Variants in RRP7A observed in about 807,000 individuals in gnomAD.
RRP7A encodes the protein ribosomal RNA processing 7 homolog A.
In RRP7A, 27 loss-of-function variants were observed where a neutral mutation model predicts 38.4. The ratio of observed to expected loss-of-function variants is 0.70; its 90% CI spans 0.52 to 0.97. The LOEUF (loss-of-function observed/expected upper bound fraction) is 0.97, where lower values mean the gene tolerates loss of function less well. RRP7A is among the 50% of genes least tolerant of loss of function. The probability of loss-of-function intolerance (pLI) is 0.00; values close to 1 mark genes in which losing one functional copy is unlikely to be tolerated. For synonymous variants in RRP7A, 124 were observed against 150.3 expected (o/e 0.83, Z 1.28); for missense variants, 327 against 375.4 (o/e 0.87, Z 1.07).
chr22:42,517,773 G>T (rs533162932), intron 2 of RRP7A, among the ~76,000 whole-genome samples: 13 of 152,334 alleles, frequency 8.5e-5, no homozygotes, highest in East Asian at 1.9e-4. Flanking sequence ...GCCCGCCTCA[G>T]CCTCCCAAAG....
rs1920925710 is a variant in RRP7A at position 42,514,703 on chromosome 22, T to C, written c.537A>G (p.Ala179=). ...CTACCTCAGCGATCTTCTGGTCATA[T>C]GCCTCCATGAACGTGTCCACTTCCA... ...LRVEVDTFME[A]YDQKIAEEEA... The change falls in exon 5 of 7, where the codon GCA becomes GCG. Residue 179 remains alanine, a synonymous_variant. Transcript: ENST00000323013. The C allele has an allele frequency of 6.2e-7, 1 of 1,609,774 alleles. No individual in the cohort carries two copies. The highest frequency in any genetic ancestry group is 8.5e-7 in the Non-Finnish European group (1 of 1,176,994).
At position 42,511,782 on chromosome 22, in the gene RRP7A, C is replaced by T. The variant is rs1601803963; in HGVS notation, c.*1128G>A. On this transcript the variant is annotated 3_prime_UTR_variant, in exon 7 of 7. Coordinates refer to ENST00000323013, the MANE Select transcript of RRP7A (RefSeq NM_015703.5). ...TTGAAGGCAGACACAAGTCTGCAGGCTGCTCACGTCATCTCATTATCTTTT... is the reference window on the plus strand; with the variant it reads ...TTGAAGGCAGACACAAGTCTGCAGGTTGCTCACGTCATCTCATTATCTTTT... 1 of 240,894 alleles carries T rather than the reference C, an allele frequency of 4.2e-6. No homozygotes were observed. Among genetic ancestry groups the T allele is most frequent in the East Asian group, 1.0e-4 (1 of 9,850 alleles). 14.9% of individuals were successfully genotyped at this position (240,894 alleles called of 1,614,324 possible). A position where few individuals can be genotyped will look rare whatever the true frequency, so the allele number is the denominator to read the frequency against.
At position 42,510,764 on chromosome 22, in the gene RRP7A, G is replaced by A. The variant is rs371548479; in HGVS notation, c.*2146C>T. ...AGGCAGCTGGTGTCCAGCCACTGTC[G>A]CCCACTCTGGTCCCACCTCACCCAT... is the stretch of plus-strand genomic sequence containing the variant. On this transcript the variant is annotated 3_prime_UTR_variant, in exon 7 of 7. Transcript: ENST00000323013. 5.4e-5 allele frequency: 79 copies of A among 1,461,054 alleles called. No individual in the cohort carries two copies. The African/African-American group carries it at 8.7e-4, about 16-fold the overall frequency. 90.5% of individuals were successfully genotyped at this position (1,461,054 alleles called of 1,614,324 possible).
rs527952214 is a variant in RRP7A, at chr22:42,508,815, G to A, written c.*4095C>T. On this transcript the variant is annotated 3_prime_UTR_variant, in exon 7 of 7. Coordinates refer to ENST00000323013, the MANE Select transcript of RRP7A (RefSeq NM_015703.5). ...CTGGGTAGCCACGAGCCCAGGAAGA[G>A]GGGAGAACAGACTTGGAGAGGGCAG... 9.9e-4 allele frequency among the ~76,000 whole-genome samples: 151 copies of A among 152,256 alleles called. No homozygotes were observed. The highest frequency in any genetic ancestry group is 1.7e-3 in the East Asian group (9 of 5,182).
Position 42,509,207 on chromosome 22 carries a change from G to A in RRP7A, c.*3703C>T. On this transcript the variant is annotated 3_prime_UTR_variant, in exon 7 of 7. Transcript: ENST00000323013. The stretch of plus-strand genomic sequence containing the variant: ...CCTGGCATGAGGCTCCAAGTTCTCT[G>A]CGTGTCGACCACATCGCTAAGACTC... The A allele has an allele frequency of 1.3e-6, 2 of 1,574,832 alleles. No homozygotes were observed.
intron 2 of RRP7A, among the ~76,000 whole-genome samples, chr22:42,517,471 G>C (rs1471301923): frequency 1.3e-5 from 2 of 151,660 alleles, no homozygotes; most frequent in Non-Finnish European, 2.9e-5. Flanking sequence ...ACGTAATTCA[G>C]ACAACTTTGG....
rs563879101 is a variant in RRP7A, at chr22:42,515,946, C to T, written c.342+65G>A. On this transcript the variant is annotated intron_variant, in intron 3 of 6. Coordinates refer to ENST00000323013, the MANE Select transcript of RRP7A (RefSeq NM_015703.5). ...CTCTGATGTCCCACTGCCAGCTCCC[C>T]CAACACACTGGGGACAGTGCCCCAC... 12 of 1,523,988 alleles carry T rather than the reference C, an allele frequency of 7.9e-6. No homozygotes were observed. The African/African-American group carries it at 1.7e-4, about 21-fold the overall frequency. 94.4% of individuals were successfully genotyped at this position (1,523,988 alleles called of 1,614,324 possible).
Position 42,512,249 on chromosome 22 carries a change from G to A in RRP7A, c.*661C>T. ...CAGCCCAGCTGTAGCTCTGGGCCTG[G>A]AACTATGAAGACCTAGTGCTCCCAG... On this transcript the variant is annotated 3_prime_UTR_variant, in exon 7 of 7. Coordinates refer to ENST00000323013, the MANE Select transcript of RRP7A (RefSeq NM_015703.5). 3 of 1,610,966 alleles carry A rather than the reference G, an allele frequency of 1.9e-6. No homozygotes were observed. The South Asian group carries it at 3.3e-5, about 18-fold the overall frequency.
At chr22:42,518,181 G>A (rs370224724) in intron 1 of RRP7A, 34 bp from the exon 2 acceptor site, 43 of 1,572,150 alleles carry the variant, frequency 2.7e-5, no homozygotes, top group Admixed American at 8.4e-5. Flanking sequence ...GGATGGCCAG[G>A]CTACCCTGAG....
At position 42,518,137 on chromosome 22, in the gene RRP7A, G is replaced by C. The variant is rs1920936201; in HGVS notation, c.84C>G (p.Ile28Met). 8.7e-6 allele frequency: 14 copies of C among 1,612,534 alleles called. No individual in the cohort carries two copies. The East Asian group carries it at 2.9e-4, about 33-fold the overall frequency. Residue 28 changes from isoleucine to methionine, a missense_variant, in exon 2 of 7, where the codon ATC becomes ATG. Ile to Met is a conservative substitution (Grantham distance 10). Transcript: ENST00000323013. The part of the protein sequence containing the change: ...PSPLGYAAIP[I>M]KFSEKQQASH... ...AAGCCTGTTGCTTTTCAGAGAACTT[G>C]ATTGGAATAGCTGGAAAGGAAATGG...
At chr22:42,515,924 T>C in intron 3 of RRP7A, 87 bp downstream of exon 3, 2 of 1,467,904 alleles carry the variant, frequency 1.4e-6, no homozygotes, top group South Asian at 2.7e-5. Flanking sequence ...GAGAATGCTC[T>C]GATGTCCCAC....
intron 6 of RRP7A, among the ~76,000 whole-genome samples, 185 bp downstream of exon 6, chr22:42,513,921 C>T (rs773485470): frequency 7.2e-5 from 11 of 151,852 alleles, no homozygotes; most frequent in Non-Finnish European, 1.5e-4. Context: ...GATGGGGAAC[C>T]GCCACACAGG....
chr22:42,518,932 G>C (rs1218306997), intron 1 of RRP7A, among the ~76,000 whole-genome samples: 1 of 149,668 alleles, frequency 6.7e-6, no homozygotes, highest in African/African-American at 2.5e-5. Flanking sequence ...AATTGTGAAA[G>C]AAACATTACA....
At chr22:42,513,818 G>A (rs1268664355) in intron 6 of RRP7A, among the ~76,000 whole-genome samples, 3 of 152,146 alleles carry the variant, frequency 2.0e-5, no homozygotes, top group Admixed American at 6.5e-5. Context: ...GGAGGCTGAC[G>A]AGCGCCAGCA....
intron 2 of RRP7A, 47 bp from the exon 3 acceptor site, chr22:42,516,183 C>T: frequency 1.2e-6 from 2 of 1,606,082 alleles, no homozygotes; most frequent in Non-Finnish European, 1.7e-6. Context: ...GCAGGGCCAT[C>T]CCAAAGCCTC....
In RRP7A at chr22:42,512,200, T is replaced by C. The variant is rs1239722940; in HGVS notation, c.*710A>G. ...CACGTGGCCAGTATCATCAGCTCCTTCTTACAGTGCACACACACGCTCCCA... is the reference window on the plus strand; with the variant it reads ...CACGTGGCCAGTATCATCAGCTCCTCCTTACAGTGCACACACACGCTCCCA... On this transcript the variant is annotated 3_prime_UTR_variant, in exon 7 of 7. Transcript: ENST00000323013. 3.7e-6 allele frequency: 6 copies of C among 1,612,392 alleles called. No individual in the cohort carries two copies. The highest frequency in any genetic ancestry group is 1.3e-5 in the African/African-American group (1 of 74,822).
chr22:42,510,677 G>A lies in RRP7A; in HGVS notation c.*2233C>T. 1 of 1,428,540 alleles carries A rather than the reference G, an allele frequency of 7.0e-7. No individual in the cohort carries two copies. The highest frequency in any genetic ancestry group is 1.2e-5 in the South Asian group (1 of 83,596). 88.5% of individuals were successfully genotyped at this position (1,428,540 alleles called of 1,614,324 possible). ...TCCAAGAGAGAATTACTCTGACAAG[G>A]AGTCCCTGTCGTTCATGATAGACAC... On this transcript the variant is annotated 3_prime_UTR_variant, in exon 7 of 7. Transcript: ENST00000323013.
rs770585821 is a variant in RRP7A, at chr22:42,516,011, C to T, written c.342G>A (p.Pro114=). The change falls in exon 3 of 7, where the codon CCG becomes CCA. Residue 114 remains proline, a splice_region_variant and synonymous_variant. Coordinates refer to ENST00000323013, the MANE Select transcript of RRP7A (RefSeq NM_015703.5). The part of the protein sequence containing the change: ...RSKFFHPKPV[P]GFQVAYVVFQ... Reference sequence around the variant, plus strand: ...TGGAACCCCGGGCTTGGCGGCTCACCGGAACTGGCTTGGGATGAAAAAACT... The same window carrying T: ...TGGAACCCCGGGCTTGGCGGCTCACTGGAACTGGCTTGGGATGAAAAAACT... The T allele has an allele frequency of 1.5e-5, 24 of 1,591,728 alleles. No individual in the cohort carries two copies. Among genetic ancestry groups the T allele is most frequent in the Admixed American group, 3.5e-5 (2 of 57,770 alleles).
chr22:42,519,233 G>A (rs1336479975), intron 1 of RRP7A, among the ~76,000 whole-genome samples: 4 of 150,260 alleles, frequency 2.7e-5, no homozygotes, highest in Non-Finnish European at 5.9e-5. Flanking sequence ...TATCGTGGGC[G>A]CGGCAGACAT....
Sources: allele counts gnomAD v4.1 joint callset (sites outside exome capture counted in the v4.1 genomes callset), GRCh38; gene constraint gnomAD v4.1.1; transcripts MANE v1.5; gene names NCBI Gene and HGNC (gene_info 2026-07-23, HGNC 2026-07-21).